Variants in BAIAP2L2 observed in about 807,000 individuals in gnomAD.
BAIAP2L2 encodes BAR/IMD domain-containing adapter protein 2-like 2.
A neutral mutation model predicts 60.4 loss-of-function variants in BAIAP2L2; 65 were observed. The ratio of observed to expected loss-of-function variants is 1.08; its 90% CI spans 0.88 to 1.32. The LOEUF (loss-of-function observed/expected upper bound fraction) is 1.32. Among genes scored for constraint, BAIAP2L2 ranks in the 40% most tolerant of loss-of-function variants. The probability of loss-of-function intolerance (pLI) is 0.00; values close to 1 mark genes in which losing one functional copy is unlikely to be tolerated. For missense variants in BAIAP2L2, 836 were observed against 741.2 expected, an observed-to-expected ratio of 1.13 and a Z score of -1.48; for synonymous variants, 344 against 301.7, an observed-to-expected ratio of 1.14 and a Z score of -1.45.
chr22:38,108,112 C>T (rs1044780640), intron 3 of BAIAP2L2, 143 bp downstream of exon 3: 69 of 961,466 alleles, frequency 7.2e-5, no homozygotes, highest in South Asian at 4.8e-4. Flanking sequence ...GGAGTGGTGG[C>T]GGGGAGCCTG....
At chr22:38,089,255 G>C in intron 8 of BAIAP2L2, 24 bp from the exon 9 acceptor site, 1 of 169,414 alleles carries the variant, frequency 5.9e-6, no homozygotes, top group Non-Finnish European at 1.1e-5. Flanking sequence ...GGGCAGGGGA[G>C]GGTGGGGCGG....
At chr22:38,107,781 TG>T in intron 4 of BAIAP2L2, 70 bp downstream of exon 4, 1 of 1,441,648 alleles carries the variant, frequency 6.9e-7, no homozygotes, top group Non-Finnish European at 9.7e-7. Flanking sequence ...TCTGGTAGGC[TG>T]GGCCCTCTCC....
chr22:38,101,856 A>AAAAC (rs547075502), intron 4 of BAIAP2L2, among the ~76,000 whole-genome samples: 2 of 151,832 alleles, frequency 1.3e-5, no homozygotes, highest in South Asian at 2.1e-4. Flanking sequence ...TCCGTCTCAA[A>AAAAC]AAACAAACAA....
At position 38,085,293 on chromosome 22, in the gene BAIAP2L2, C is replaced by T; in HGVS notation, c.*7G>A. On this transcript the variant is annotated 3_prime_UTR_variant, in exon 14 of 14. Transcript: ENST00000381669. Reference sequence around the variant, plus strand: ...GTGCACTGTGGGGTACGACCTCGGACCCCGCCTCAGCGGATGAGGGGTGCT... The same window carrying T: ...GTGCACTGTGGGGTACGACCTCGGATCCCGCCTCAGCGGATGAGGGGTGCT... 13 of 1,613,678 alleles carry T rather than the reference C, an allele frequency of 8.1e-6. No homozygotes were observed. The highest frequency in any genetic ancestry group is 9.3e-6 in the Non-Finnish European group (11 of 1,179,700).
chr22:38,101,933 A>G (rs1260477506), intron 4 of BAIAP2L2, among the ~76,000 whole-genome samples: 5 of 152,154 alleles, frequency 3.3e-5, no homozygotes, highest in Non-Finnish European at 5.9e-5. Context: ...ATTCAGAACA[A>G]AACTATGACA....
intron 7 of BAIAP2L2, among the ~76,000 whole-genome samples, chr22:38,092,156 G>T (rs1470635622): frequency 6.6e-6 from 1 of 152,240 alleles, no homozygotes; most frequent in Non-Finnish European, 1.5e-5. Flanking sequence ...TAAGGATGAG[G>T]TGGGAAGGCA....
In BAIAP2L2 at chr22:38,085,171, G is replaced by T. The variant is rs1314916821; in HGVS notation, c.*129C>A. On this transcript the variant is annotated 3_prime_UTR_variant, in exon 14 of 14. Coordinates refer to ENST00000381669, the MANE Select transcript of BAIAP2L2 (RefSeq NM_025045.6). ...TGCTCAGGCTGCCGGGGTGGTCTGG[G>T]GAGGGCAGCCACCCCCCGTCTCAGG... 29 of 972,738 alleles carry T rather than the reference G, an allele frequency of 3.0e-5. No homozygotes were observed. The highest frequency in any genetic ancestry group is 4.5e-5 in the Non-Finnish European group (29 of 648,444). The allele number at this position is 972,738 out of a possible 1,614,324, so 60.3% of individuals were successfully genotyped here. A position where few individuals can be genotyped will look rare whatever the true frequency, so the allele number is the denominator to read the frequency against.
At chr22:38,107,212 A>G (rs536487030) in intron 4 of BAIAP2L2, among the ~76,000 whole-genome samples, 4 of 152,202 alleles carry the variant, frequency 2.6e-5, no homozygotes, top group African/African-American at 9.6e-5. Context: ...GGGAGGGGTG[A>G]CTGGACTTGC....
chr22:38,108,959 T>G (rs1602036904), intron 2 of BAIAP2L2, among the ~76,000 whole-genome samples, 174 bp downstream of exon 2: 1 of 144,268 alleles, frequency 6.9e-6, no homozygotes, highest in Non-Finnish European at 1.5e-5. Flanking sequence ...CACAGGAGAG[T>G]GGGGGTGCAT....
chr22:38,094,343 G>A (rs966155448), intron 7 of BAIAP2L2, among the ~76,000 whole-genome samples: 5 of 152,072 alleles, frequency 3.3e-5, no homozygotes, highest in Non-Finnish European at 5.9e-5. Context: ...GTACAACCAC[G>A]CTTGGCTAAC....
chr22:38,101,151 T>C (rs2086557678), intron 4 of BAIAP2L2, among the ~76,000 whole-genome samples: 1 of 152,096 alleles, frequency 6.6e-6, no homozygotes, highest in Non-Finnish European at 1.5e-5. Context: ...AACTCAGGTC[T>C]GGGATGATGG....
intron 4 of BAIAP2L2, among the ~76,000 whole-genome samples, chr22:38,107,284 G>A (rs1452923619): frequency 6.6e-6 from 1 of 152,134 alleles, no homozygotes; most frequent in East Asian, 1.9e-4. Context: ...TGGACGGCAG[G>A]GGGAGGGACC....
At chr22:38,087,059 T>C (rs912416718) in intron 11 of BAIAP2L2, 65 bp downstream of exon 11, 4 of 1,440,836 alleles carry the variant, frequency 2.8e-6, no homozygotes, top group Non-Finnish European at 3.6e-6. Flanking sequence ...GCAGATCCTC[T>C]CCGCTGGGCA....
intron 11 of BAIAP2L2, among the ~76,000 whole-genome samples, chr22:38,086,734 G>A (rs558626337): frequency 1.3e-3 from 199 of 152,226 alleles, no homozygotes; most frequent in Admixed American, 2.4e-3. Flanking sequence ...AGTGACTCAC[G>A]CCTGTAATCC....
At chr22:38,089,766 G>T in intron 7 of BAIAP2L2, 92 bp from the exon 8 acceptor site, 1 of 1,151,558 alleles carries the variant, frequency 8.7e-7, no homozygotes, top group Non-Finnish European at 1.1e-6. Flanking sequence ...GAGAGCTCAG[G>T]CCCTACCAGC....
At chr22:38,087,409 G>C (rs2086127237) in intron 10 of BAIAP2L2, 145 bp from the exon 11 acceptor site, 1 of 948,032 alleles carries the variant, frequency 1.1e-6, no homozygotes, top group Non-Finnish European at 1.6e-6. Context: ...GTTTACTTCT[G>C]TTTTCACCTG....
intron 4 of BAIAP2L2, among the ~76,000 whole-genome samples, chr22:38,106,772 G>C (rs771481810): frequency 2.0e-5 from 3 of 152,158 alleles, no homozygotes; most frequent in African/African-American, 7.2e-5. Context: ...ATGGCTGTGC[G>C]CAGCCCGCTG....
chr22:38,110,717 A>C, upstream of BAIAP2L2: 1 of 573,978 alleles, frequency 1.7e-6, no homozygotes, highest in South Asian at 2.1e-5. Flanking sequence ...GGATGTCAGA[A>C]TGTGATCTGG....
At chr22:38,106,322 CAGCCTGGCCA>C (rs2086663894) in intron 4 of BAIAP2L2, among the ~76,000 whole-genome samples, 1 of 151,932 alleles carries the variant, frequency 6.6e-6, no homozygotes, top group Non-Finnish European at 1.5e-5. Flanking sequence ...AGTTCAAGAC[CAGCCTGGCCA>C]ACATGGTGAA....
Sources: allele counts gnomAD v4.1 joint callset (sites outside exome capture counted in the v4.1 genomes callset), GRCh38; gene constraint gnomAD v4.1.1; transcripts MANE v1.5; gene names NCBI Gene and HGNC (gene_info 2026-07-23, HGNC 2026-07-21).